Variants in OPCML observed in about 807,000 individuals in gnomAD.
OPCML encodes opioid binding protein/cell adhesion molecule like, also known as opioid-binding protein/cell adhesion molecule.
OPCML carries 13 observed loss-of-function variants against 37.8 expected under a neutral mutation model. The ratio of observed to expected loss-of-function variants is 0.34; its 90% CI spans 0.22 to 0.55. The LOEUF (loss-of-function observed/expected upper bound fraction) is 0.55, where lower values mean the gene tolerates loss of function less well. Ranked by LOEUF, OPCML falls within the 20% of genes least tolerant of loss-of-function variation. OPCML has a pLI of 0.91. For missense variants in OPCML, 341 were observed against 435.6 expected, an observed-to-expected ratio of 0.78 and a Z score of 1.93; for synonymous variants, 176 against 168.8, an observed-to-expected ratio of 1.04 and a Z score of -0.33.
At chr11:132,606,947 G>T (rs563290630) in intron 3 of OPCML, among the ~76,000 whole-genome samples, 59 of 152,206 alleles carry the variant, frequency 3.9e-4, no homozygotes, top group Middle Eastern at 3.4e-3. Flanking sequence ...TGCTTCCCAG[G>T]GGTTTCTGTC....
chr11:133,404,170 C>T (rs1453303872), intron 1 of OPCML, among the ~76,000 whole-genome samples: 1 of 152,322 alleles, frequency 6.6e-6, no homozygotes, highest in South Asian at 2.1e-4. Flanking sequence ...TTGGCTGTGT[C>T]TTCACATCCT....
chr11:133,100,963 C>T (rs1016584067), intron 1 of OPCML, among the ~76,000 whole-genome samples: 1 of 152,126 alleles, frequency 6.6e-6, no homozygotes, highest in South Asian at 2.1e-4. Flanking sequence ...CTTGCTCTGT[C>T]GCCCAGGCTG....
At chr11:133,256,004 C>G (rs1037239581) in intron 1 of OPCML, among the ~76,000 whole-genome samples, 1 of 152,130 alleles carries the variant, frequency 6.6e-6, no homozygotes, top group African/African-American at 2.4e-5. Flanking sequence ...CTGTCATTCA[C>G]CTACTATTTC....
At position 133,212,184 on chromosome 11, in the gene OPCML, C is replaced by G. The variant is rs1405044536; in HGVS notation, c.62-269174G>C. ...CAATCACAACATCATAATGACCAAT[C>G]AATCAACCAAACCAGCAAGGACAAC... On this transcript the variant is annotated intron_variant, in intron 1 of 7. Transcript: ENST00000524381. This position sits in a 1 kb window ranked among gnomAD's most constrained non-coding sequence, Gnocchi z 4.9. Among the ~76,000 whole-genome samples the G allele has an allele frequency of 6.6e-6, 1 of 152,174 alleles. No individual in the cohort carries two copies. The highest frequency in any genetic ancestry group is 2.4e-5 in the African/African-American group (1 of 41,416).
Position 132,701,597 on chromosome 11 carries a change from T to G in OPCML, c.147-44278A>C, listed in dbSNP as rs145968320. ...TTGGACCAGTTTTTTGTGTTTATGCTCTCAGCCACTCTATGTCTTTTGATT... is the reference window on the plus strand; with the variant it reads ...TTGGACCAGTTTTTTGTGTTTATGCGCTCAGCCACTCTATGTCTTTTGATT... On this transcript the variant is annotated intron_variant, in intron 2 of 7. Coordinates refer to ENST00000524381, the MANE Select transcript of OPCML (RefSeq NM_001012393.5). Among the ~76,000 whole-genome samples the G allele has an allele frequency of 1.9e-3, 292 of 152,314 alleles. 3 individuals are homozygous for G. Among genetic ancestry groups the G allele is most frequent in the African/African-American group, 6.6e-3 (275 of 41,572 alleles).
intron 1 of OPCML, among the ~76,000 whole-genome samples, chr11:133,147,744 G>T (rs144784708): frequency 0.01 from 1,546 of 152,236 alleles, 27 homozygotes; most frequent in African/African-American, 0.035. Context: ...AGAGCAGACA[G>T]GTCCTGGTTG....
In OPCML at chr11:132,541,538, C is replaced by T. The variant is rs148669601; in HGVS notation, c.380-12352G>A. Among the ~76,000 whole-genome samples the T allele has an allele frequency of 3.5e-3, 521 of 147,652 alleles. 4 individuals carry two copies. The highest frequency in any genetic ancestry group is 0.012 in the African/African-American group (490 of 39,768). ...CAGATTTTTTTTTTTTTTTTGCCAGCAACTCTCATTTATTGAGAACTTAAT... is the reference window on the plus strand; with the variant it reads ...CAGATTTTTTTTTTTTTTTTGCCAGTAACTCTCATTTATTGAGAACTTAAT... On this transcript the variant is annotated intron_variant, in intron 3 of 7. Coordinates refer to ENST00000524381, the MANE Select transcript of OPCML (RefSeq NM_001012393.5).
chr11:133,474,838 G>A (rs574193313), intron 1 of OPCML, among the ~76,000 whole-genome samples: 3 of 152,326 alleles, frequency 2.0e-5, no homozygotes, highest in South Asian at 2.1e-4. Flanking sequence ...GATGTGCTGG[G>A]GCACTGGCCT....
intron 1 of OPCML, among the ~76,000 whole-genome samples, chr11:133,528,491 T>A (rs1011578515): frequency 1.3e-5 from 2 of 152,214 alleles, no homozygotes; most frequent in African/African-American, 4.8e-5. Context: ...GGCTCTGGGC[T>A]GGTGAGAGGC....
chr11:132,825,721 G>T (rs901700857), intron 2 of OPCML, among the ~76,000 whole-genome samples: 9 of 152,162 alleles, frequency 5.9e-5, no homozygotes, highest in African/African-American at 2.2e-4. Flanking sequence ...AGCATTCCCA[G>T]GGGAAGCTTA....
chr11:133,098,817 C>G (rs1370681997), intron 1 of OPCML, among the ~76,000 whole-genome samples: 1 of 151,946 alleles, frequency 6.6e-6, no homozygotes, highest in African/African-American at 2.4e-5. Flanking sequence ...GAAATTCTAA[C>G]CAACATAATA....
chr11:133,490,798 C>T (rs996804651), intron 1 of OPCML, among the ~76,000 whole-genome samples: 1 of 152,154 alleles, frequency 6.6e-6, no homozygotes, highest in South Asian at 2.1e-4. Context: ...AATGGCTGTC[C>T]TCATGGCTTG....
intron 1 of OPCML, among the ~76,000 whole-genome samples, chr11:133,493,121 G>A (rs1028390243): frequency 4.6e-5 from 7 of 152,304 alleles, no homozygotes; most frequent in Non-Finnish European, 5.9e-5. Context: ...GATGACAAGC[G>A]CAGGATTGAG....
chr11:133,021,688 C>T (rs1947457808), intron 1 of OPCML, among the ~76,000 whole-genome samples: 2 of 152,280 alleles, frequency 1.3e-5, no homozygotes, highest in Non-Finnish European at 2.9e-5. Flanking sequence ...CATTCCAGCT[C>T]ACCCATCCTG....
intron 1 of OPCML, among the ~76,000 whole-genome samples, chr11:133,203,780 C>T (rs1402790510): frequency 1.3e-5 from 2 of 152,134 alleles, no homozygotes; most frequent in East Asian, 3.9e-4. Context: ...AAAGGACGGC[C>T]GGGTGCCGTG....
chr11:133,314,061 T>C (rs375023378), intron 1 of OPCML, among the ~76,000 whole-genome samples: 2,280 of 150,136 alleles, frequency 0.015, 37 homozygotes, highest in South Asian at 0.036. Context: ...CGGTGAAACC[T>C]CGTCTCTACT....
intron 1 of OPCML, among the ~76,000 whole-genome samples, chr11:133,241,796 C>T (rs1940741376): frequency 6.6e-6 from 1 of 152,200 alleles, no homozygotes; most frequent in Admixed American, 6.5e-5. Flanking sequence ...CCACTGCGGG[C>T]CATCCTCAGA....
At chr11:133,402,259 A>C (rs1945420544) in intron 1 of OPCML, among the ~76,000 whole-genome samples, 1 of 151,750 alleles carries the variant, frequency 6.6e-6, no homozygotes, top group African/African-American at 2.4e-5. Flanking sequence ...ATAAAAAAAA[A>C]CCCTTCTGGC....
At chr11:132,757,609 G>C (rs1946100925) in intron 2 of OPCML, among the ~76,000 whole-genome samples, 1 of 152,148 alleles carries the variant, frequency 6.6e-6, no homozygotes, top group African/African-American at 2.4e-5. Flanking sequence ...CTTTTGAGAA[G>C]TGTCTGTTCA....
Sources: gnomAD v4.1 joint callset for allele counts (sites outside exome capture counted in the v4.1 genomes callset) on GRCh38, gnomAD v4.1.1 for gene constraint, Gnocchi (gnomAD v3.1) non-coding constraint, MANE v1.5 for transcripts, NCBI Gene and HGNC (gene_info 2026-07-23, HGNC 2026-07-21) for gene names.